Variants in CPQ observed in about 807,000 individuals in gnomAD.
CPQ encodes the protein carboxypeptidase Q.
Under a neutral mutation model 45.7 loss-of-function variants are expected in CPQ, and 37 were observed. That is an observed-to-expected ratio of 0.81 (90% CI 0.62 to 1.07). The LOEUF is 1.07. CPQ is among the 50% of genes least tolerant of loss of function. CPQ has a pLI of 0.00. For synonymous variants in CPQ, 186 were observed against 205.8 expected (o/e 0.90, Z 0.82); for missense variants, 537 against 572.9 (o/e 0.94, Z 0.64).
intron 7 of CPQ, chr8:97,092,852 A>G (rs1331087478): frequency 2.6e-5 from 4 of 152,220 alleles, no homozygotes; most frequent in African/African-American, 9.6e-5. Flanking sequence ...CTGCACAGTA[A>G]AAGAAACTGT....
intron 1 of CPQ, among the ~76,000 whole-genome samples, chr8:96,667,206 C>T (rs955564324): frequency 1.3e-5 from 2 of 152,098 alleles, no homozygotes; most frequent in Admixed American, 6.5e-5. Flanking sequence ...TCACGTTCCT[C>T]CTCTGCATTT....
At chr8:97,050,966 C>T (rs1810350235) in intron 6 of CPQ, among the ~76,000 whole-genome samples, 1 of 152,032 alleles carries the variant, frequency 6.6e-6, no homozygotes, top group South Asian at 2.1e-4. Context: ...CAGAACAACC[C>T]TATTAAATAG....
At chr8:96,727,466 T>G (rs1586375520) in intron 1 of CPQ, among the ~76,000 whole-genome samples, 1 of 152,144 alleles carries the variant, frequency 6.6e-6, no homozygotes, top group East Asian at 1.9e-4. Flanking sequence ...CCACTTCAGG[T>G]TTTATCTCAT....
chr8:96,912,541 A>AT (rs1812681275), intron 4 of CPQ, among the ~76,000 whole-genome samples: 1 of 152,238 alleles, frequency 6.6e-6, no homozygotes, highest in South Asian at 2.1e-4. Context: ...ACTCAGGGGC[A>AT]TATAAACAGG....
chr8:96,846,617 G>T (rs546707601), intron 3 of CPQ, among the ~76,000 whole-genome samples: 1 of 151,908 alleles, frequency 6.6e-6, no homozygotes, highest in Admixed American at 6.6e-5. Context: ...TGAAAGTAAG[G>T]TTGTTATAAC....
intron 1 of CPQ, among the ~76,000 whole-genome samples, chr8:96,758,807 A>T (rs1810359943): frequency 6.6e-6 from 1 of 152,064 alleles, no homozygotes; most frequent in Admixed American, 6.6e-5. Context: ...CTTCCCTCCC[A>T]GTCTTTTTAT....
chr8:96,917,340 T>C (rs967723395), intron 4 of CPQ, among the ~76,000 whole-genome samples: 1 of 152,150 alleles, frequency 6.6e-6, no homozygotes, highest in Non-Finnish European at 1.5e-5. Flanking sequence ...CTAGTACTAG[T>C]TTATTTATTA....
At chr8:96,802,843 C>T (rs535919517) in intron 2 of CPQ, among the ~76,000 whole-genome samples, 1 of 152,266 alleles carries the variant, frequency 6.6e-6, no homozygotes, top group East Asian at 1.9e-4. Flanking sequence ...TGTTAGTTGG[C>T]ACTGAACACA....
chr8:97,077,878 A>C (rs1177641408), intron 7 of CPQ, among the ~76,000 whole-genome samples: 12 of 152,154 alleles, frequency 7.9e-5, no homozygotes, highest in Non-Finnish European at 1.3e-4. Flanking sequence ...CTTCTTTATT[A>C]ATTTAAATAA....
intron 1 of CPQ, among the ~76,000 whole-genome samples, chr8:96,672,954 AT>A (rs1259433662): frequency 6.6e-6 from 1 of 152,110 alleles, no homozygotes; most frequent in Non-Finnish European, 1.5e-5. Flanking sequence ...AATAGCAAAC[AT>A]TTTCAACCAA....
intron 7 of CPQ, among the ~76,000 whole-genome samples, chr8:97,084,851 T>G (rs1006408469): frequency 6.6e-6 from 1 of 152,000 alleles, no homozygotes; most frequent in South Asian, 2.1e-4. Context: ...TCTGTGTGTA[T>G]GTACACCAAA....
At chr8:96,873,744 T>G (rs1346787628) in intron 3 of CPQ, among the ~76,000 whole-genome samples, 1 of 151,840 alleles carries the variant, frequency 6.6e-6, no homozygotes, top group Non-Finnish European at 1.5e-5. Context: ...AATTTTTATC[T>G]TAGTCAATGT....
At chr8:96,976,881 G>A (rs886134413) in intron 5 of CPQ, among the ~76,000 whole-genome samples, 1 of 152,038 alleles carries the variant, frequency 6.6e-6, no homozygotes, top group Non-Finnish European at 1.5e-5. Flanking sequence ...TCTAAGACCT[G>A]AAACCACACA....
At chr8:96,692,733 A>G (rs1474691393) in intron 1 of CPQ, among the ~76,000 whole-genome samples, 1 of 152,198 alleles carries the variant, frequency 6.6e-6, no homozygotes, top group Non-Finnish European at 1.5e-5. Context: ...GACAGGTACA[A>G]ATAAGTCCAG....
At chr8:96,647,844 A>T (rs1161206665) in intron 1 of CPQ, among the ~76,000 whole-genome samples, 1 of 152,226 alleles carries the variant, frequency 6.6e-6, no homozygotes, top group African/African-American at 2.4e-5. Flanking sequence ...TTACCAATTT[A>T]GGGAATATAA....
intron 5 of CPQ, among the ~76,000 whole-genome samples, chr8:96,971,746 G>A (rs944334854): frequency 2.0e-5 from 3 of 152,072 alleles, no homozygotes; most frequent in Non-Finnish European, 2.9e-5. Context: ...ATGTTAATGC[G>A]TAGATGCTGC....
At chr8:97,094,455 C>A (rs1397477662) in intron 7 of CPQ, among the ~76,000 whole-genome samples, 1 of 152,138 alleles carries the variant, frequency 6.6e-6, no homozygotes, top group African/African-American at 2.4e-5. Context: ...CCCATCCATG[C>A]CAGACAGCCC....
At chr8:97,019,447 T>A (rs1229888771) in intron 5 of CPQ, among the ~76,000 whole-genome samples, 3 of 152,184 alleles carry the variant, frequency 2.0e-5, no homozygotes, top group Non-Finnish European at 4.4e-5. Context: ...GCAGAATGGA[T>A]AAGAATTCAC....
intron 1 of CPQ, among the ~76,000 whole-genome samples, chr8:96,729,112 C>T (rs183024766): frequency 6.6e-6 from 1 of 152,254 alleles, no homozygotes; most frequent in East Asian, 1.9e-4. Flanking sequence ...GGTTAAATAA[C>T]CAATGGGAAC....
Sources: allele counts gnomAD v4.1 joint callset (sites outside exome capture counted in the v4.1 genomes callset), GRCh38; gene constraint gnomAD v4.1.1; transcripts MANE v1.5; gene names NCBI Gene and HGNC (gene_info 2026-07-23, HGNC 2026-07-21).